BRD10: variants seen among roughly 807,000 people sequenced by gnomAD.
BRD10 encodes bromodomain containing 10, also known as uncharacterized bromodomain-containing protein 10.
At chr9:5,889,659 C>T in the BRD10 span, among the ~76,000 whole-genome samples, 2 of 152,008 alleles carry the variant, frequency 1.3e-5, no homozygotes, top group Non-Finnish European at 2.9e-5. Context: ...GTGGCGTGCA[C>T]CTGTAGTCCC....
chr9:6,007,332 C>T, the BRD10 span: 2 of 1,613,746 alleles, frequency 1.2e-6, no homozygotes, highest in Non-Finnish European at 1.7e-6. Flanking sequence ...CGGTGATGCC[C>T]CCGTACTGGC....
chr9:5,989,862 T>C, the BRD10 span, among the ~76,000 whole-genome samples: 3 of 152,188 alleles, frequency 2.0e-5, no homozygotes, highest in Non-Finnish European at 4.4e-5. Flanking sequence ...AATATAATAA[T>C]TGAAGTCCTG....
the BRD10 span, among the ~76,000 whole-genome samples, chr9:5,896,077 C>T: frequency 6.6e-6 from 1 of 152,180 alleles, no homozygotes; most frequent in African/African-American, 2.4e-5. Context: ...GCCTGGGAGA[C>T]CTGGATCTGG....
the BRD10 span, among the ~76,000 whole-genome samples, chr9:5,916,897 G>C: frequency 1.3e-5 from 2 of 152,192 alleles, no homozygotes; most frequent in East Asian, 3.9e-4. Context: ...AATGAATTCA[G>C]GAATTTAACT....
chr9:6,000,774 T>C, the BRD10 span, among the ~76,000 whole-genome samples: 1 of 152,238 alleles, frequency 6.6e-6, no homozygotes, highest in Admixed American at 6.5e-5. Flanking sequence ...GCATTTCAGC[T>C]TTTAATATAC....
At chr9:5,912,963 G>A in the BRD10 span, among the ~76,000 whole-genome samples, 2 of 152,184 alleles carry the variant, frequency 1.3e-5, no homozygotes, top group South Asian at 2.1e-4. Context: ...AGAGAGTATT[G>A]TTTTATAGAA....
At chr9:5,959,973 C>T in the BRD10 span, among the ~76,000 whole-genome samples, 10 of 152,192 alleles carry the variant, frequency 6.6e-5, no homozygotes, top group Admixed American at 3.9e-4. Flanking sequence ...TGACACCTCA[C>T]TTAATTATAC....
the BRD10 span, chr9:6,007,520 G>A: frequency 2.5e-6 from 4 of 1,613,064 alleles, no homozygotes; most frequent in Middle Eastern, 1.7e-4. Context: ...TTCTCCTGCA[G>A]GAACTCGCCC....
the BRD10 span, chr9:5,897,628 G>A: frequency 6.2e-7 from 1 of 1,614,084 alleles, no homozygotes; most frequent in Non-Finnish European, 8.5e-7. Flanking sequence ...TATTGTAGAA[G>A]ACGAAATGGA....
At chr9:5,946,130 T>C in the BRD10 span, among the ~76,000 whole-genome samples, 4 of 152,092 alleles carry the variant, frequency 2.6e-5, no homozygotes, top group African/African-American at 4.8e-5. Context: ...ATTTCTTCTA[T>C]TAGGTTAAAC....
At chr9:5,951,868 G>A in the BRD10 span, among the ~76,000 whole-genome samples, 6 of 151,816 alleles carry the variant, frequency 4.0e-5, no homozygotes, top group Non-Finnish European at 8.8e-5. Context: ...GTAATGCCGT[G>A]GTATTCATAT....
chr9:5,998,592 T>C, the BRD10 span, among the ~76,000 whole-genome samples: 3 of 152,108 alleles, frequency 2.0e-5, no homozygotes, highest in African/African-American at 7.2e-5. Context: ...TTAAGTGCTA[T>C]ATAGCAAACT....
chr9:6,003,122 T>C, the BRD10 span, among the ~76,000 whole-genome samples: 5 of 152,192 alleles, frequency 3.3e-5, no homozygotes, highest in Admixed American at 2.6e-4. Flanking sequence ...AGTAACAATA[T>C]GGAAATCAAG....
chr9:5,968,158 T>G, the BRD10 span: 1 of 1,598,686 alleles, frequency 6.3e-7, no homozygotes, highest in Non-Finnish European at 8.5e-7. Flanking sequence ...CATCTTTCAA[T>G]TTCTTTTTTT....
the BRD10 span, among the ~76,000 whole-genome samples, chr9:5,925,459 C>T: frequency 5.3e-5 from 8 of 151,824 alleles, no homozygotes; most frequent in Non-Finnish European, 7.4e-5. Flanking sequence ...ATAAAGGTTG[C>T]TGTTAGACCA....
At chr9:5,974,281 A>T in the BRD10 span, among the ~76,000 whole-genome samples, 4 of 152,318 alleles carry the variant, frequency 2.6e-5, no homozygotes, top group East Asian at 7.7e-4. Flanking sequence ...ATAACCAGCT[A>T]AACTATCATT....
the BRD10 span, among the ~76,000 whole-genome samples, chr9:5,955,883 T>C: frequency 2.0e-5 from 3 of 152,190 alleles, no homozygotes; most frequent in African/African-American, 7.2e-5. Context: ...TTGATATCTC[T>C]ATAATACAGC....
the BRD10 span, chr9:5,968,841 C>A: frequency 1.9e-6 from 3 of 1,613,764 alleles, no homozygotes; most frequent in South Asian, 1.1e-5. Flanking sequence ...TCCAAATAAT[C>A]ATAACCAAGA....
At chr9:6,007,537 C>T in the BRD10 span, 1 of 1,613,018 alleles carries the variant, frequency 6.2e-7, no homozygotes, top group Non-Finnish European at 8.5e-7. Context: ...GCCCAGGATG[C>T]GGTAGCCCTG....
Sources: gnomAD v4.1 joint callset for allele counts (sites outside exome capture counted in the v4.1 genomes callset) on GRCh38, gnomAD v4.1.1 for gene constraint, MANE v1.5 for transcripts, NCBI Gene and HGNC (gene_info 2026-07-23, HGNC 2026-07-21) for gene names.